NHERF2: variants seen among roughly 807,000 people sequenced by gnomAD.
NHERF2 encodes the protein NHERF family PDZ scaffold protein 2, also known as Na(+)/H(+) exchange regulatory cofactor NHE-RF2.
chr16:2,034,364 A>G, the NHERF2 span, among the ~76,000 whole-genome samples: 1,404 of 70,134 alleles, frequency 0.02, 5 homozygotes, highest in South Asian at 0.084. Flanking sequence ...CCCGAACTGG[A>G]CTCCTGTCCC....
chr16:2,036,839 T>C, the NHERF2 span: 1 of 1,612,438 alleles, frequency 6.2e-7, no homozygotes, highest in Non-Finnish European at 8.5e-7. Flanking sequence ...AGATGAACAC[T>C]TCAAGCGGCT....
At chr16:2,036,908 G>A in the NHERF2 span, 20 of 1,592,756 alleles carry the variant, frequency 1.3e-5, no homozygotes, top group African/African-American at 2.2e-4. Flanking sequence ...GGCACAGGGT[G>A]GGTGCGGTGT....
the NHERF2 span, among the ~76,000 whole-genome samples, chr16:2,031,167 A>G: frequency 2.0e-5 from 3 of 152,170 alleles, no homozygotes; most frequent in Non-Finnish European, 4.4e-5. Context: ...GGGAGACAGC[A>G]TTCCCTGTGG....
At chr16:2,034,223 CTG>C in the NHERF2 span, among the ~76,000 whole-genome samples, 2 of 152,184 alleles carry the variant, frequency 1.3e-5, no homozygotes, top group South Asian at 2.1e-4. Context: ...CGTCTTGTGT[CTG>C]TGGCTGTGTG....
chr16:2,033,029 C>T, the NHERF2 span: 9 of 1,244,182 alleles, frequency 7.2e-6, no homozygotes, highest in African/African-American at 1.6e-5. Context: ...ACAGGACCGT[C>T]CTGTGTTCTG....
At chr16:2,036,832 T>A in the NHERF2 span, 3 of 1,612,228 alleles carry the variant, frequency 1.9e-6, no homozygotes, top group Non-Finnish European at 2.5e-6. Context: ...CCGAGACAGA[T>A]GAACACTTCA....
the NHERF2 span, chr16:2,036,511 C>T: frequency 6.3e-7 from 1 of 1,575,206 alleles, no homozygotes; most frequent in Admixed American, 1.8e-5. Flanking sequence ...GAGGTACCGG[C>T]CCACCAGGGC....
chr16:2,037,474 A>G, the NHERF2 span: 7 of 1,412,322 alleles, frequency 5.0e-6, no homozygotes, highest in Non-Finnish European at 6.9e-6. Context: ...GCCTCTGTGC[A>G]CATGTGTGCG....
At chr16:2,030,593 G>A in the NHERF2 span, among the ~76,000 whole-genome samples, 1 of 151,506 alleles carries the variant, frequency 6.6e-6, no homozygotes, top group Admixed American at 6.6e-5. Context: ...GGCCCTGATG[G>A]CATTATCTCC....
chr16:2,037,707 T>C, the NHERF2 span: 1 of 1,554,146 alleles, frequency 6.4e-7, no homozygotes, highest in African/African-American at 1.4e-5. Flanking sequence ...GTTCAGGAAG[T>C]CCTCGTGAGC....
At chr16:2,032,825 C>A in the NHERF2 span, 1 of 999,216 alleles carries the variant, frequency 1.0e-6, no homozygotes, top group South Asian at 4.3e-5. The surrounding 1 kb of genome is among the most constrained non-coding windows in gnomAD (Gnocchi z 4.0). Context: ...CGGTGCCAGG[C>A]CCTGGAGGTG....
the NHERF2 span, among the ~76,000 whole-genome samples, chr16:2,027,425 G>T: frequency 6.6e-6 from 1 of 152,224 alleles, no homozygotes; most frequent in African/African-American, 2.4e-5. Context: ...GCAGGGAGGG[G>T]CCCGCACTGC....
At chr16:2,032,817 G>T in the NHERF2 span, 1 of 997,444 alleles carries the variant, frequency 1.0e-6, no homozygotes. This position sits in a 1 kb window ranked among gnomAD's most constrained non-coding sequence, Gnocchi z 4.0. Context: ...GTGGCCAGCG[G>T]TGCCAGGCCC....
At chr16:2,036,094 G>A in the NHERF2 span, 27 of 513,188 alleles carry the variant, frequency 5.3e-5, 1 homozygote, top group African/African-American at 1.4e-4. Context: ...CCGGGAAGGC[G>A]GCTGGGCCCG....
the NHERF2 span, chr16:2,029,929 T>C: frequency 8.7e-6 from 6 of 691,288 alleles, no homozygotes; most frequent in African/African-American, 8.9e-5. Flanking sequence ...GGGACCATCT[T>C]GTTGGCCACT....
chr16:2,033,578 C>T, the NHERF2 span: 14 of 880,952 alleles, frequency 1.6e-5, no homozygotes, highest in Non-Finnish European at 2.0e-5. Flanking sequence ...AGGGCTGGTG[C>T]GTCACCATCT....
chr16:2,029,554 A>G, the NHERF2 span: 1 of 1,549,520 alleles, frequency 6.5e-7, no homozygotes, highest in South Asian at 1.2e-5. Flanking sequence ...TGGGCCACTG[A>G]CCCGCTCCTA....
the NHERF2 span, among the ~76,000 whole-genome samples, chr16:2,035,178 C>T: frequency 1.3e-5 from 2 of 152,118 alleles, no homozygotes; most frequent in African/African-American, 4.8e-5. Flanking sequence ...AGACCAAGGG[C>T]AGGTCCTGAG....
the NHERF2 span, among the ~76,000 whole-genome samples, chr16:2,027,634 C>T: frequency 6.6e-6 from 1 of 152,204 alleles, no homozygotes; most frequent in Non-Finnish European, 1.5e-5. Flanking sequence ...TGTGTGCATG[C>T]GCCTGCCTGT....
Sources: gnomAD v4.1 joint callset for allele counts (sites outside exome capture counted in the v4.1 genomes callset) on GRCh38, gnomAD v4.1.1 for gene constraint, Gnocchi (gnomAD v3.1) non-coding constraint, MANE v1.5 for transcripts, NCBI Gene and HGNC (gene_info 2026-07-23, HGNC 2026-07-21) for gene names.